Variants in HP1BP3 observed in about 807,000 individuals in gnomAD.
The protein encoded by HP1BP3 is heterochromatin protein 1-binding protein 3.
In HP1BP3, 12 loss-of-function variants were observed where a neutral mutation model predicts 62.5. That is an observed-to-expected ratio of 0.19 (90% CI 0.12 to 0.31). The LOEUF (loss-of-function observed/expected upper bound fraction) is 0.31, where lower values mean the gene tolerates loss of function less well. HP1BP3 is among the 10% of genes least tolerant of loss of function. The pLI is 1.00. For missense variants in HP1BP3, 502 were observed against 651.8 expected, an observed-to-expected ratio of 0.77 and a Z score of 2.50; for synonymous variants, 260 against 237.8, an observed-to-expected ratio of 1.09 and a Z score of -0.86.
At chr1:20,780,598 G>A in intron 1 of HP1BP3, 58 bp from the exon 2 acceptor site, 3 of 583,832 alleles carry the variant, frequency 5.1e-6, no homozygotes, top group Non-Finnish European at 9.3e-6. Context: ...AAACTAAAAC[G>A]TCTAAATTTA....
At chr1:20,782,370 G>C (rs1210171815) in intron 1 of HP1BP3, among the ~76,000 whole-genome samples, 2 of 151,492 alleles carry the variant, frequency 1.3e-5, no homozygotes, top group Non-Finnish European at 2.9e-5. Context: ...GTTCACTCGA[G>C]CCCAGGAGTT....
At position 20,767,675 on chromosome 1, in the gene HP1BP3, T is replaced by C. The variant is rs1448634002; in HGVS notation, c.655-11A>G. On this transcript the variant is annotated splice_polypyrimidine_tract_variant and intron_variant, in intron 6 of 12. Coordinates refer to ENST00000438032, the MANE Select transcript of HP1BP3 (RefSeq NM_001372052.1). ...ACCTTTTCCTTTAACCTAAAGTAAA[T>C]TAATTTTTGTTATTCTAGTATTCAT... 2.6e-6 allele frequency: 4 copies of C among 1,548,150 alleles called. No homozygotes were observed. Among genetic ancestry groups the C allele is most frequent in the Non-Finnish European group, 3.5e-6 (4 of 1,129,300 alleles).
chr1:20,759,678 A>T (rs1311326736), intron 8 of HP1BP3, among the ~76,000 whole-genome samples: 1 of 152,178 alleles, frequency 6.6e-6, no homozygotes, highest in Non-Finnish European at 1.5e-5. Context: ...TAATAAAAAT[A>T]GTCAAGGCAG....
At chr1:20,772,419 A>G (rs946746472) in intron 5 of HP1BP3, among the ~76,000 whole-genome samples, 6 of 152,242 alleles carry the variant, frequency 3.9e-5, no homozygotes, top group Admixed American at 3.3e-4. Context: ...CTGAGTGGTC[A>G]TCAAGTGAAA....
chr1:20,763,612 T>C (rs2056607395), intron 8 of HP1BP3, among the ~76,000 whole-genome samples: 1 of 152,240 alleles, frequency 6.6e-6, no homozygotes, highest in Non-Finnish European at 1.5e-5. Flanking sequence ...CATAATTTTC[T>C]AGAAGTCATC....
chr1:20,765,079 G>A (rs1473368158), intron 8 of HP1BP3, among the ~76,000 whole-genome samples: 3 of 141,704 alleles, frequency 2.1e-5, no homozygotes, highest in Non-Finnish European at 4.6e-5. Context: ...GGAGGCAGGA[G>A]AATCCTTTGA....
At chr1:20,753,801 T>C (rs900046562) in intron 9 of HP1BP3, among the ~76,000 whole-genome samples, 1 of 152,128 alleles carries the variant, frequency 6.6e-6, no homozygotes, top group Non-Finnish European at 1.5e-5. Context: ...GAAAAACCAC[T>C]TGACAAATCC....
chr1:20,744,805 T>C lies in HP1BP3; in HGVS notation c.1654A>G (p.Lys552Glu). 6.3e-7 allele frequency: 1 copy of C among 1,594,956 alleles called. No individual in the cohort carries two copies. Among genetic ancestry groups the C allele is most frequent in the East Asian group, 2.2e-5 (1 of 44,770 alleles). ...KSTMKKSFRV[K>E]K is the part of the protein sequence containing the mutation. The stretch of plus-strand genomic sequence containing the variant: ...CTTTTTTCCTATAAAATTTACTTTT[T>C]CACTCTGAAAGACTTCTTCATGGTG... The change falls in exon 13 of 13, where the codon AAA becomes GAA. Residue 552 changes from lysine (K) to glutamate (E), a missense_variant. Physicochemically the swap from Lys to Glu is moderately conservative, Grantham distance 56 (BLOSUM62 1). Transcript: ENST00000438032.
At chr1:20,786,545 G>A (rs1375060856) in intron 1 of HP1BP3, 4 of 152,230 alleles carry the variant, frequency 2.6e-5, no homozygotes, top group Admixed American at 6.5e-5. Flanking sequence ...CTGGGGCTCG[G>A]CGCGGTGACA....
At chr1:20,762,839 C>T (rs937761087) in intron 8 of HP1BP3, among the ~76,000 whole-genome samples, 32 of 152,108 alleles carry the variant, frequency 2.1e-4, no homozygotes, top group African/African-American at 7.5e-4. Context: ...GTGTCACGGG[C>T]ACAATCTTAA....
rs1217127706 is a variant in HP1BP3 at position 20,780,346 on chromosome 1, T to G, written c.95A>C (p.Glu32Ala). 6.2e-7 allele frequency: 1 copy of G among 1,609,932 alleles called. No individual in the cohort carries two copies. Among genetic ancestry groups the G allele is most frequent in the Non-Finnish European group, 8.5e-7 (1 of 1,176,250 alleles). Reference protein sequence around the residue: ...AQLIHADKLGEKVEDSTMPIR... With the variant: ...AQLIHADKLGAKVEDSTMPIR... Reference sequence around the variant, plus strand: ...CTTCAAGAATGTGTCAGCCCCTACCTCACCTAACTTGTCCGCGTGGATCAG... The same window carrying G: ...CTTCAAGAATGTGTCAGCCCCTACCGCACCTAACTTGTCCGCGTGGATCAG... The change falls in exon 2 of 13, where the codon GAG becomes GCG. Residue 32 changes from glutamate (E) to alanine (A), a missense_variant and splice_region_variant. By Grantham distance (107) the Glu-to-Ala change is moderately radical. Around this residue, in one of 5 missense-constraint regions of HP1BP3, gnomAD observed 165 missense variants for 156.4 expected, o/e 1.05. Transcript: ENST00000438032.
intron 8 of HP1BP3, among the ~76,000 whole-genome samples, chr1:20,759,962 C>T (rs2056368563): frequency 6.7e-6 from 1 of 149,456 alleles, no homozygotes; most frequent in Non-Finnish European, 1.5e-5. Context: ...AATCTCGGCT[C>T]ACTGCAACCT....
intron 4 of HP1BP3, 136 bp from the exon 5 acceptor site, chr1:20,773,746 A>C: frequency 3.7e-6 from 2 of 539,102 alleles, no homozygotes; most frequent in Admixed American, 4.0e-5. Context: ...ATGTACCATA[A>C]GCAAAATTTT....
chr1:20,780,383 C>A lies in HP1BP3; in HGVS notation c.58G>T (p.Val20Leu), dbSNP rs147461855. 1.7e-5 allele frequency: 28 copies of A among 1,613,996 alleles called. No homozygotes were observed. In the Middle Eastern group the frequency reaches 1.3e-3, roughly 76 times the overall value. ...LVHPKALPLI[V>L]GAQLIHADKL... ...TCCGCGTGGATCAGCTGAGCTCCTA[C>A]TATAAGTGGGAGTGCCTTAGGATGG... is the stretch of plus-strand genomic sequence containing the variant. Residue 20 changes from valine to leucine, a missense_variant, in exon 2 of 13, where the codon GTA becomes TTA. This residue lies in a region of HP1BP3 where 165 missense variants were observed against 156.4 expected (regional missense o/e 1.05). Transcript: ENST00000438032.
At chr1:20,768,254 G>A (rs764548163) in intron 6 of HP1BP3, among the ~76,000 whole-genome samples, 1 of 151,984 alleles carries the variant, frequency 6.6e-6, no homozygotes, top group South Asian at 2.1e-4. Context: ...ACACCATCCT[G>A]GCTAACACAG....
chr1:20,777,317 G>A (rs1409546068), intron 3 of HP1BP3, among the ~76,000 whole-genome samples: 1 of 151,708 alleles, frequency 6.6e-6, no homozygotes, highest in Non-Finnish European at 1.5e-5. Flanking sequence ...AAACATGAAA[G>A]AAAAAGGACT....
At chr1:20,770,303 C>T (rs930579289) in intron 6 of HP1BP3, among the ~76,000 whole-genome samples, 3 of 152,082 alleles carry the variant, frequency 2.0e-5, no homozygotes, top group African/African-American at 7.2e-5. Context: ...AAACCTAAGA[C>T]AAGGGCAATT....
At chr1:20,775,471 A>T (rs2154541214) in intron 4 of HP1BP3, 1 of 152,276 alleles carries the variant, frequency 6.6e-6, no homozygotes, top group South Asian at 2.1e-4. Flanking sequence ...TTTTTGGTAA[A>T]GTTTTAAAAG....
At position 20,776,416 on chromosome 1, in the gene HP1BP3, A is replaced by G. The variant is rs149697082; in HGVS notation, c.350+181T>C. 230 of 556,164 alleles carry G rather than the reference A, an allele frequency of 4.1e-4. 1 individual carries two copies. The highest frequency in any genetic ancestry group is 4.0e-3 in the African/African-American group (208 of 51,888). The allele number at this position is 556,164 out of a possible 1,614,324, so 34.5% of individuals were successfully genotyped here. A position where few individuals can be genotyped will look rare whatever the true frequency, so the allele number is the denominator to read the frequency against. On this transcript the variant is annotated intron_variant, in intron 4 of 12. Coordinates refer to ENST00000438032, the MANE Select transcript of HP1BP3 (RefSeq NM_001372052.1). Reference sequence around the variant, plus strand: ...CAAACCATTGTGTTCTGCTAACTACAGCATATTCTAACAGGTCAAACAACT... The same window carrying G: ...CAAACCATTGTGTTCTGCTAACTACGGCATATTCTAACAGGTCAAACAACT...
Sources: allele counts gnomAD v4.1 joint callset (sites outside exome capture counted in the v4.1 genomes callset), GRCh38; gene constraint gnomAD v4.1.1; regional missense constraint gnomAD v4.1.1; transcripts MANE v1.5; gene names NCBI Gene and HGNC (gene_info 2026-07-23, HGNC 2026-07-21).